Variants in SCN11A observed in about 807,000 individuals in gnomAD.
SCN11A encodes the protein sodium channel protein type 11 subunit alpha.
SCN11A carries 122 observed loss-of-function variants against 162.2 expected under a neutral mutation model. The ratio of observed to expected loss-of-function variants is 0.75; its 90% CI spans 0.65 to 0.87. The LOEUF (loss-of-function observed/expected upper bound fraction) is 0.87. SCN11A is among the 40% of genes least tolerant of loss of function. The probability of loss-of-function intolerance (pLI) is 0.00; values close to 1 mark genes in which losing one functional copy is unlikely to be tolerated. For missense variants in SCN11A, 2,015 were observed against 2,181.6 expected (o/e 0.92, Z 1.52); for synonymous variants, 758 against 751.5 (o/e 1.01, Z -0.14).
At chr3:38,984,733 A>T (rs2030172822) in intron 2 of SCN11A, among the ~76,000 whole-genome samples, 1 of 151,524 alleles carries the variant, frequency 6.6e-6, no homozygotes, top group African/African-American at 2.4e-5. Flanking sequence ...CTGGTCTCAA[A>T]CTCCTGCCCT....
At chr3:38,960,136 G>A (rs1359194737) in intron 3 of SCN11A, among the ~76,000 whole-genome samples, 147 bp downstream of exon 3, 4 of 152,016 alleles carry the variant, frequency 2.6e-5, no homozygotes, top group African/African-American at 7.3e-5. Context: ...CATATATCTC[G>A]TACCCGCTCT....
At chr3:39,035,973 G>T (rs2031895285) in intron 1 of SCN11A, among the ~76,000 whole-genome samples, 1 of 152,038 alleles carries the variant, frequency 6.6e-6, no homozygotes, top group Non-Finnish European at 1.5e-5. Flanking sequence ...TTTCTGACTT[G>T]GGCTAGTCCA....
At chr3:39,034,897 A>G (rs2031864558) in intron 1 of SCN11A, among the ~76,000 whole-genome samples, 1 of 152,184 alleles carries the variant, frequency 6.6e-6, no homozygotes, top group African/African-American at 2.4e-5. Context: ...TCAAAAAAGT[A>G]AAAGATCTCT....
At chr3:38,941,930 G>A (rs1404332147) in intron 7 of SCN11A, among the ~76,000 whole-genome samples, 2 of 151,952 alleles carry the variant, frequency 1.3e-5, no homozygotes, top group African/African-American at 4.8e-5. Context: ...TGCATAAAAA[G>A]CAAAAACCAA....
At chr3:38,924,623 T>C (rs1165392062) in intron 9 of SCN11A, among the ~76,000 whole-genome samples, 1 of 152,156 alleles carries the variant, frequency 6.6e-6, no homozygotes, top group Non-Finnish European at 1.5e-5. Context: ...TCCACCTGCC[T>C]CAGCCTTCCA....
intron 2 of SCN11A, among the ~76,000 whole-genome samples, chr3:39,020,658 A>AT (rs1354061111): frequency 6.6e-6 from 1 of 152,124 alleles, no homozygotes; most frequent in Non-Finnish European, 1.5e-5. Context: ...AAACCCACTC[A>AT]TTTTTTATGC....
intron 28 of SCN11A, among the ~76,000 whole-genome samples, chr3:38,860,170 A>T (rs1283419204): frequency 6.6e-6 from 1 of 151,858 alleles, no homozygotes; most frequent in Non-Finnish European, 1.5e-5. Flanking sequence ...GCCCCTACCC[A>T]CCAAATTATC....
chr3:38,846,910 C>A lies in SCN11A; in HGVS notation c.5160G>T (p.Leu1720Phe). ...KFMEANPLKK[L>F]YEPIVTTTKR... ...TGGTGGTGGTGACTATGGGTTCATA[C>A]AACTTCTTGAGAGGATTGGCTTCCA... is the stretch of plus-strand genomic sequence containing the variant. The change falls in exon 30 of 30, where the codon TTG becomes TTT. Residue 1720 changes from leucine (L) to phenylalanine (F), a missense_variant. By Grantham distance (22) the Leu-to-Phe change is conservative. Coordinates refer to ENST00000302328, the MANE Select transcript of SCN11A (RefSeq NM_001349253.2). 1 of 1,614,096 alleles carries A rather than the reference C, an allele frequency of 6.2e-7. No homozygotes were observed. The highest frequency in any genetic ancestry group is 8.5e-7 in the Non-Finnish European group (1 of 1,180,012).
chr3:39,023,948 C>A (rs2031517417), intron 2 of SCN11A, among the ~76,000 whole-genome samples: 1 of 152,034 alleles, frequency 6.6e-6, no homozygotes, highest in African/African-American at 2.4e-5. Flanking sequence ...TGGCCAAGAT[C>A]CCCAACTTTC....
At chr3:38,882,110 T>A (rs2065319277) in intron 22 of SCN11A, among the ~76,000 whole-genome samples, 1 of 152,196 alleles carries the variant, frequency 6.6e-6, no homozygotes, top group African/African-American at 2.4e-5. Context: ...ATTAAGGGAA[T>A]TCTCTGGGAT....
chr3:38,991,334 T>C (rs2030445436), intron 2 of SCN11A, among the ~76,000 whole-genome samples: 1 of 152,234 alleles, frequency 6.6e-6, no homozygotes, highest in Admixed American at 6.5e-5. Context: ...ATGGACTCTT[T>C]CCTCCGCCCA....
intron 11 of SCN11A, among the ~76,000 whole-genome samples, chr3:38,919,266 G>A (rs1343795050): frequency 6.6e-6 from 1 of 152,138 alleles, no homozygotes; most frequent in Admixed American, 6.5e-5. Context: ...TGCATTCCTT[G>A]AGGCAAACTC....
At chr3:38,909,268 A>G in intron 12 of SCN11A, 74 bp from the exon 13 acceptor site, 3 of 1,399,430 alleles carry the variant, frequency 2.1e-6, no homozygotes, top group Non-Finnish European at 3.0e-6. Flanking sequence ...TCAAGCAAAA[A>G]CCACACAGTA....
chr3:38,895,947 A>G (rs1190445861), intron 18 of SCN11A, among the ~76,000 whole-genome samples: 1 of 152,104 alleles, frequency 6.6e-6, no homozygotes. Context: ...ATTATATTGC[A>G]CTATAACCCC....
chr3:38,943,328 C>T lies in SCN11A; in HGVS notation c.488+2083G>A, dbSNP rs537042464. The stretch of plus-strand genomic sequence containing the variant: ...TTTGTCTGGGGTTGGGAGTGGGAAT[C>T]GGGGATTAACTGCAAAGAGGCATGA... On this transcript the variant is annotated intron_variant, in intron 7 of 29. Coordinates refer to ENST00000302328, the MANE Select transcript of SCN11A (RefSeq NM_001349253.2). Among the ~76,000 whole-genome samples the T allele has an allele frequency of 1.0e-3, 157 of 152,064 alleles. 2 individuals are homozygous for T. The South Asian group carries it at 0.022, about 21-fold the overall frequency.
rs2064685980 is a variant in SCN11A at position 38,847,221 on chromosome 3, G to T, written c.4849C>A (p.Pro1617Thr). ...FNTATEESED[P>T]LGEDDFDIFY... ...ATGTCAAAGTCATCTTCACCCAAAG[G>T]GTCCTCACTTTCTTCAGTGGCTGTA... The change falls in exon 30 of 30, where the codon CCT (proline) becomes ACT (threonine). Residue 1617 changes from proline (P) to threonine (T), a missense_variant. Physicochemically the swap from Pro to Thr is conservative, Grantham distance 38 (BLOSUM62 -1). Transcript: ENST00000302328. 1 of 1,613,930 alleles carries T rather than the reference G, an allele frequency of 6.2e-7. No homozygotes were observed. Among genetic ancestry groups the T allele is most frequent in the South Asian group, 1.1e-5 (1 of 91,050 alleles).
In SCN11A at chr3:39,029,163, C is replaced by T. The variant is rs1462953771; in HGVS notation, c.-280+3217G>A. ...TAAATTTCTAGAAAAAGAGCTAAGT[C>T]ACTCTCTGAAGGGGTTATACCAATT... On this transcript the variant is annotated intron_variant, in intron 2 of 29. Coordinates refer to ENST00000302328, the MANE Select transcript of SCN11A (RefSeq NM_001349253.2). Among the ~76,000 whole-genome samples the T allele has an allele frequency of 2.0e-5, 3 of 152,228 alleles. No homozygotes were observed. In the East Asian group the frequency reaches 5.8e-4, roughly 29 times the overall value.
chr3:38,937,704 A>G (rs1051140688), intron 7 of SCN11A, among the ~76,000 whole-genome samples: 4 of 152,214 alleles, frequency 2.6e-5, no homozygotes, highest in Admixed American at 1.3e-4. Context: ...AATGGCAATC[A>G]TTAATAAGTC....
rs1238157403 is a variant in SCN11A, at chr3:38,882,741, C to T, written c.3219+492G>A. On this transcript the variant is annotated intron_variant, in intron 22 of 29. Coordinates refer to ENST00000302328, the MANE Select transcript of SCN11A (RefSeq NM_001349253.2). ...CACTTTGACCATGCATATAAAGCAACATCTCCTTGTCCTTTCTTTCAAGGG... is the reference window on the plus strand; with the variant it reads ...CACTTTGACCATGCATATAAAGCAATATCTCCTTGTCCTTTCTTTCAAGGG... Among the ~76,000 whole-genome samples, 6 of 152,104 alleles carry T rather than the reference C, an allele frequency of 3.9e-5. No individual in the cohort carries two copies. The East Asian group carries it at 1.2e-3, about 29-fold the overall frequency.
Sources: gnomAD v4.1 joint callset for allele counts (sites outside exome capture counted in the v4.1 genomes callset) on GRCh38, gnomAD v4.1.1 for gene constraint, MANE v1.5 for transcripts, NCBI Gene and HGNC (gene_info 2026-07-23, HGNC 2026-07-21) for gene names.